Variants in PRSS12 observed in about 807,000 individuals in gnomAD.
PRSS12 encodes neurotrypsin.
Under a neutral mutation model 104.4 loss-of-function variants are expected in PRSS12, and 85 were observed. That is an observed-to-expected ratio of 0.81 (90% CI 0.68 to 0.98). The LOEUF is 0.98. PRSS12 is among the 50% of genes least tolerant of loss of function. The pLI is 0.00. For missense variants in PRSS12, 1,141 were observed against 1,139.2 expected (o/e 1.00, Z -0.02); for synonymous variants, 454 against 425.2 (o/e 1.07, Z -0.83).
intron 4 of PRSS12, among the ~76,000 whole-genome samples, chr4:118,320,689 G>A (rs1723592063): frequency 9.2e-5 from 14 of 152,056 alleles, no homozygotes; most frequent in Admixed American, 6.6e-5. Context: ...GGAAGTCAAG[G>A]CTGCAATGAC....
chr4:118,338,160 G>GT lies in PRSS12; in HGVS notation c.641+15_641+16insA. The GT allele has an allele frequency of 6.2e-7, 1 of 1,613,846 alleles. No individual in the cohort carries two copies. Among genetic ancestry groups the GT allele is most frequent in the Non-Finnish European group, 8.5e-7 (1 of 1,179,858 alleles). ...AATACTAGCTGACTGATTTGGTCAG[G>GT]GATGGGTACACTCACCCCAGCTGCA... On this transcript the variant is annotated intron_variant, in intron 2 of 12. Coordinates refer to ENST00000296498, the MANE Select transcript of PRSS12 (RefSeq NM_003619.4).
chr4:118,331,124 C>A (rs1190762272), intron 4 of PRSS12, among the ~76,000 whole-genome samples: 1 of 152,130 alleles, frequency 6.6e-6, no homozygotes, highest in Non-Finnish European at 1.5e-5. Flanking sequence ...TACCAATGTT[C>A]AGAATCACTA....
intron 4 of PRSS12, among the ~76,000 whole-genome samples, chr4:118,325,875 T>C (rs937645960): frequency 6.7e-6 from 1 of 150,000 alleles, no homozygotes; most frequent in Non-Finnish European, 1.5e-5. Flanking sequence ...ATACCCTGAA[T>C]TATTTTCTGT....
intron 11 of PRSS12, among the ~76,000 whole-genome samples, chr4:118,286,694 T>C (rs1394279417): frequency 6.6e-6 from 1 of 152,134 alleles, no homozygotes; most frequent in Non-Finnish European, 1.5e-5. Context: ...TACACTCTCA[T>C]CCCTAACTTA....
At position 118,281,780 on chromosome 4, in the gene PRSS12, C is replaced by T; in HGVS notation, c.*156G>A. ...ACACTGAGGCCTCTGAAAATGTTCA[C>T]AAATTTCTCAAAAGCAGCAGGGGGT... On this transcript the variant is annotated 3_prime_UTR_variant, in exon 13 of 13. Coordinates refer to ENST00000296498, the MANE Select transcript of PRSS12 (RefSeq NM_003619.4). 2 of 658,606 alleles carry T rather than the reference C, an allele frequency of 3.0e-6. No homozygotes were observed. Among genetic ancestry groups the T allele is most frequent in the Middle Eastern group, 4.0e-4 (1 of 2,470 alleles). 40.8% of individuals were successfully genotyped at this position (658,606 alleles called of 1,614,324 possible). A position where few individuals can be genotyped will look rare whatever the true frequency, so the allele number is the denominator to read the frequency against.
intron 1 of PRSS12, 68 bp downstream of exon 1, chr4:118,352,151 C>T: frequency 6.3e-7 from 1 of 1,591,538 alleles, no homozygotes; most frequent in Non-Finnish European, 8.5e-7. Context: ...GAGACCTGTA[C>T]GCCGGCCCCA....
At chr4:118,319,865 G>C (rs566254626) in intron 4 of PRSS12, among the ~76,000 whole-genome samples, 1 of 151,944 alleles carries the variant, frequency 6.6e-6, no homozygotes, top group Admixed American at 6.6e-5. Flanking sequence ...TTGTAGAGAT[G>C]GAGTCTCATT....
rs751423861 is a variant in PRSS12, at chr4:118,338,306, G to A, written c.511C>T (p.Arg171Ter). 5.6e-5 allele frequency: 91 copies of A among 1,613,760 alleles called. 1 individual carries two copies. In the East Asian group the frequency reaches 1.3e-3, roughly 23 times the overall value. ...AACTCATTTTTGCCGCCACGAAGTCGTACTGATCCTAAAGTGGAAAAGAAT... is the reference window on the plus strand; with the variant it reads ...AACTCATTTTTGCCGCCACGAAGTCATACTGATCCTAAAGTGGAAAAGAAT... ...GYCDCRHGSV[R>*]LRGGKNEFEG... The change falls in exon 2 of 13, where the codon CGA (arginine) becomes TGA (stop). Residue 171 changes from arginine to a stop codon, truncating the protein, a stop_gained. Transcript: ENST00000296498. LOFTEE classifies it high-confidence loss of function.
chr4:118,330,584 G>A (rs1723893457), intron 4 of PRSS12, among the ~76,000 whole-genome samples: 1 of 152,086 alleles, frequency 6.6e-6, no homozygotes, highest in East Asian at 1.9e-4. Context: ...ATCCAGATTG[G>A]TCTTGGACTA....
At chr4:118,348,565 A>G (rs1724412240) in intron 1 of PRSS12, among the ~76,000 whole-genome samples, 1 of 152,162 alleles carries the variant, frequency 6.6e-6, no homozygotes, top group Non-Finnish European at 1.5e-5. Flanking sequence ...AGGAATCTGC[A>G]TTTTAACAAG....
At chr4:118,332,342 T>G (rs1271772684) in intron 3 of PRSS12, among the ~76,000 whole-genome samples, 2 of 152,218 alleles carry the variant, frequency 1.3e-5, no homozygotes, top group East Asian at 3.8e-4. Flanking sequence ...AATATCTAAT[T>G]CGTTAAAACA....
chr4:118,344,318 G>A (rs1346163571), intron 1 of PRSS12, among the ~76,000 whole-genome samples: 2 of 152,022 alleles, frequency 1.3e-5, no homozygotes, highest in Non-Finnish European at 2.9e-5. Flanking sequence ...TACAGTACCT[G>A]AAAACAACTG....
intron 7 of PRSS12, among the ~76,000 whole-genome samples, chr4:118,311,191 A>T (rs1287924784): frequency 6.6e-6 from 1 of 152,202 alleles, no homozygotes; most frequent in Non-Finnish European, 1.5e-5. Flanking sequence ...TATTAAAACG[A>T]GAAATCCATA....
intron 4 of PRSS12, among the ~76,000 whole-genome samples, chr4:118,323,222 G>A (rs909241132): frequency 6.6e-6 from 1 of 152,070 alleles, no homozygotes; most frequent in Non-Finnish European, 1.5e-5. Flanking sequence ...CAGGATCACT[G>A]ACAGAGAAGC....
At chr4:118,327,083 T>C (rs1315059938) in intron 4 of PRSS12, among the ~76,000 whole-genome samples, 1 of 152,360 alleles carries the variant, frequency 6.6e-6, no homozygotes, top group Non-Finnish European at 1.5e-5. Context: ...GCCTGCGGGC[T>C]GTGGGTTGGA....
chr4:118,309,016 TATAA>T (rs1322449722), intron 7 of PRSS12, among the ~76,000 whole-genome samples: 3 of 151,862 alleles, frequency 2.0e-5, no homozygotes, highest in African/African-American at 7.3e-5. Context: ...TTTAGAACGA[TATAA>T]ATAGACACAA....
At chr4:118,285,416 A>T (rs568843031) in intron 11 of PRSS12, among the ~76,000 whole-genome samples, 2 of 152,338 alleles carry the variant, frequency 1.3e-5, no homozygotes, top group South Asian at 4.1e-4. Flanking sequence ...GTACATTCAC[A>T]TATTTAAAGT....
chr4:118,315,209 T>C (rs974815025), intron 6 of PRSS12, among the ~76,000 whole-genome samples: 4 of 152,104 alleles, frequency 2.6e-5, no homozygotes, highest in Non-Finnish European at 4.4e-5. Context: ...TGTGAGTATG[T>C]AGCAATATAA....
chr4:118,342,531 G>A (rs563720640), intron 1 of PRSS12, among the ~76,000 whole-genome samples: 22 of 152,150 alleles, frequency 1.4e-4, no homozygotes, highest in East Asian at 3.9e-4. Flanking sequence ...TTTAAAATGC[G>A]TTAAGAATAA....
Sources: gnomAD v4.1 joint callset for allele counts (sites outside exome capture counted in the v4.1 genomes callset) on GRCh38, gnomAD v4.1.1 for gene constraint, MANE v1.5 for transcripts, NCBI Gene and HGNC (gene_info 2026-07-23, HGNC 2026-07-21) for gene names.